The following APBA1 variants were observed in gnomAD, a reference collection of about 807,000 sequenced individuals.
APBA1 encodes amyloid beta precursor protein binding family A member 1.
In APBA1, 55 loss-of-function variants were observed where a neutral mutation model predicts 86.6. The ratio of observed to expected loss-of-function variants is 0.64; its 90% CI spans 0.51 to 0.80. APBA1 has a LOEUF of 0.80. APBA1 is among the 30% of genes least tolerant of loss of function. APBA1 has a pLI of 0.00. For synonymous variants in APBA1, 511 were observed against 493.9 expected, an observed-to-expected ratio of 1.03 and a Z score of -0.46; for missense variants, 1,090 against 1,183.0, an observed-to-expected ratio of 0.92 and a Z score of 1.15.
chr9:69,588,941 T>C (rs764282909), intron 1 of APBA1, among the ~76,000 whole-genome samples: 4 of 152,066 alleles, frequency 2.6e-5, no homozygotes, highest in Non-Finnish European at 5.9e-5. Context: ...AGGGGAAGAA[T>C]AGTATCTTCT....
At chr9:69,581,820 G>A (rs929845288) in intron 1 of APBA1, among the ~76,000 whole-genome samples, 3 of 152,136 alleles carry the variant, frequency 2.0e-5, no homozygotes, top group Admixed American at 6.5e-5. Context: ...TAGTCTCTTT[G>A]AGGGTAATTT....
At chr9:69,449,887 A>T in intron 9 of APBA1, 91 bp from the exon 10 acceptor site, 1 of 1,157,454 alleles carries the variant, frequency 8.6e-7, no homozygotes, top group Non-Finnish European at 1.2e-6. Flanking sequence ...TGTCTTGCCT[A>T]AAGAAAGACA....
intron 2 of APBA1, among the ~76,000 whole-genome samples, chr9:69,492,883 T>C (rs1214250070): frequency 6.6e-6 from 1 of 152,090 alleles, no homozygotes; most frequent in African/African-American, 2.4e-5. Context: ...CAGAAATTCA[T>C]GGTAATGAAG....
intron 1 of APBA1, among the ~76,000 whole-genome samples, chr9:69,610,547 T>G (rs1386540494): frequency 6.6e-6 from 1 of 152,116 alleles, no homozygotes; most frequent in Non-Finnish European, 1.5e-5. Context: ...TGATTTTGGT[T>G]TTGTTTTGGT....
chr9:69,663,479 C>T (rs1823789930), intron 1 of APBA1, among the ~76,000 whole-genome samples: 1 of 152,224 alleles, frequency 6.6e-6, no homozygotes, highest in Non-Finnish European at 1.5e-5. Context: ...TAAGCTCGTC[C>T]TCTGCTTTTA....
At chr9:69,536,899 A>C (rs1836520778) in intron 1 of APBA1, among the ~76,000 whole-genome samples, 1 of 150,526 alleles carries the variant, frequency 6.6e-6, no homozygotes, top group Non-Finnish European at 1.5e-5. Context: ...CCACAAAAAA[A>C]CAAAAAAAAT....
At chr9:69,551,603 T>C (rs1588358113) in intron 1 of APBA1, among the ~76,000 whole-genome samples, 1 of 152,306 alleles carries the variant, frequency 6.6e-6, no homozygotes, top group East Asian at 1.9e-4. Context: ...CATTAGCTTA[T>C]GGAATTTCAG....
intron 1 of APBA1, among the ~76,000 whole-genome samples, chr9:69,647,078 G>T (rs892103452): frequency 7.2e-5 from 11 of 152,044 alleles, no homozygotes; most frequent in Non-Finnish European, 1.3e-4. Context: ...TAATATTCAG[G>T]AACTCCCTAC....
intron 1 of APBA1, among the ~76,000 whole-genome samples, chr9:69,560,662 C>A (rs1430697326): frequency 6.6e-6 from 1 of 152,142 alleles, no homozygotes. Flanking sequence ...GAACCCTTAT[C>A]TGAAATGCTT....
chr9:69,515,832 C>T (rs949100627), intron 2 of APBA1, among the ~76,000 whole-genome samples, 179 bp downstream of exon 2: 6 of 152,120 alleles, frequency 3.9e-5, no homozygotes, highest in Admixed American at 6.5e-5. Context: ...TTAATTCTCT[C>T]CCGCTGGCGT....
At chr9:69,595,078 A>G (rs1478605622) in intron 1 of APBA1, among the ~76,000 whole-genome samples, 1 of 152,186 alleles carries the variant, frequency 6.6e-6, no homozygotes, top group Non-Finnish European at 1.5e-5. Flanking sequence ...TACAGGTTCT[A>G]CATACATGTA....
chr9:69,492,278 T>A (rs913999270), intron 2 of APBA1, among the ~76,000 whole-genome samples: 3 of 152,014 alleles, frequency 2.0e-5, no homozygotes. Flanking sequence ...TTGCCATGAG[T>A]ATTAACTGGT....
intron 1 of APBA1, among the ~76,000 whole-genome samples, chr9:69,616,425 C>T (rs749663933): frequency 1.4e-4 from 22 of 152,114 alleles, no homozygotes; most frequent in Non-Finnish European, 3.1e-4. Context: ...TACCTTTAAG[C>T]CTAGGTTCAC....
intron 2 of APBA1, among the ~76,000 whole-genome samples, chr9:69,483,883 CA>C (rs1448370250): frequency 2.0e-5 from 3 of 152,098 alleles, no homozygotes; most frequent in Admixed American, 1.3e-4. Context: ...AAGAAACACA[CA>C]CAACTTTTAT....
chr9:69,470,476 AG>A (rs1835349780), intron 4 of APBA1, among the ~76,000 whole-genome samples: 1 of 152,210 alleles, frequency 6.6e-6, no homozygotes, highest in Non-Finnish European at 1.5e-5. Flanking sequence ...TTCAAACTTC[AG>A]AAAACTTCCC....
chr9:69,533,742 A>G (rs1039655374), intron 1 of APBA1, among the ~76,000 whole-genome samples: 1 of 152,248 alleles, frequency 6.6e-6, no homozygotes, highest in African/African-American at 2.4e-5. Context: ...CAGAAATTCA[A>G]TACTATCAGT....
intron 1 of APBA1, among the ~76,000 whole-genome samples, chr9:69,596,853 T>C (rs760099334): frequency 2.0e-5 from 3 of 152,234 alleles, no homozygotes; most frequent in Non-Finnish European, 2.9e-5. Flanking sequence ...ATTTTCTGCA[T>C]AGGTCTTCCT....
At chr9:69,589,198 C>T (rs2133963425) in intron 1 of APBA1, among the ~76,000 whole-genome samples, 1 of 152,296 alleles carries the variant, frequency 6.6e-6, no homozygotes, top group Admixed American at 6.5e-5. Flanking sequence ...TCAAGCGATC[C>T]ACCTGCCTTG....
intron 1 of APBA1, among the ~76,000 whole-genome samples, chr9:69,590,949 T>A (rs1361218614): frequency 2.0e-5 from 3 of 152,208 alleles, no homozygotes; most frequent in Non-Finnish European, 1.5e-5. Context: ...TGCTGAAAGT[T>A]TTCTGCCAAG....
Sources: allele counts gnomAD v4.1 joint callset (sites outside exome capture counted in the v4.1 genomes callset), GRCh38; gene constraint gnomAD v4.1.1; transcripts MANE v1.5; gene names NCBI Gene and HGNC (gene_info 2026-07-23, HGNC 2026-07-21).